The following DOCK4 variants were observed in gnomAD, a reference collection of about 807,000 sequenced individuals.
The protein encoded by DOCK4 is dedicator of cytokinesis 4.
Under a neutral mutation model 268.1 loss-of-function variants are expected in DOCK4, and 97 were observed. That is an observed-to-expected ratio of 0.36 (90% CI 0.31 to 0.43). DOCK4 has a LOEUF of 0.43. DOCK4 is among the 20% of genes least tolerant of loss of function. The pLI is 1.00. For missense variants in DOCK4, 2,145 were observed against 2,455.7 expected, an observed-to-expected ratio of 0.87 and a Z score of 2.67; for synonymous variants, 954 against 887.2, an observed-to-expected ratio of 1.08 and a Z score of -1.34.
At chr7:112,087,209 G>C (rs1198637384) in intron 1 of DOCK4, among the ~76,000 whole-genome samples, 1 of 152,066 alleles carries the variant, frequency 6.6e-6, no homozygotes, top group African/African-American at 2.4e-5. Flanking sequence ...AATTCAATCA[G>C]GACAGACTTA....
Position 111,790,565 on chromosome 7 carries a change from G to C in DOCK4, c.3207C>G (p.Pro1069=), listed in dbSNP as rs772594564. Residue 1069 remains proline, a synonymous_variant, in exon 31 of 53, where the codon CCC becomes CCG. Coordinates refer to ENST00000428084, the MANE Select transcript of DOCK4 (RefSeq NM_001363540.2). ...KLHFIPALIG[P]FLEVTLIPQP... The stretch of plus-strand genomic sequence containing the variant: ...GGGGTATCAAGGTCACTTCTAGGAA[G>C]GGGCCAATCAGGGCAGGGATAAAAT... 3.7e-6 allele frequency: 6 copies of C among 1,613,850 alleles called. No individual in the cohort carries two copies. The highest frequency in any genetic ancestry group is 5.1e-6 in the Non-Finnish European group (6 of 1,179,834).
intron 1 of DOCK4, among the ~76,000 whole-genome samples, chr7:112,029,036 T>C (rs918403615): frequency 2.0e-5 from 3 of 152,230 alleles, no homozygotes; most frequent in Non-Finnish European, 2.9e-5. Flanking sequence ...ATTTTGAGTT[T>C]TTCTTCTTCT....
intron 1 of DOCK4, among the ~76,000 whole-genome samples, chr7:112,139,099 GT>G (rs1814644097): frequency 6.6e-6 from 1 of 152,180 alleles, no homozygotes. Flanking sequence ...GACTAAGGCA[GT>G]AATTGGTACC....
Position 111,900,412 on chromosome 7 carries a change from C to G in DOCK4, c.1442G>C (p.Arg481Pro), listed in dbSNP as rs781092695. ...LKLPIPVDKF[R>P]GAHIRFEFRH... ...AAACTCGAAGCGGATGTGTGCACCC[C>G]GGAATTTATCCACAGGAATGGGAAG... The change falls in exon 15 of 53, where the codon CGG becomes CCG. Residue 481 changes from arginine to proline, a missense_variant. This residue lies in a region of DOCK4 where 1,598 missense variants were observed against 1,986.7 expected (regional missense o/e 0.80). Transcript: ENST00000428084. 3 of 1,613,430 alleles carry G rather than the reference C, an allele frequency of 1.9e-6. No homozygotes were observed. The highest frequency in any genetic ancestry group is 2.5e-6 in the Non-Finnish European group (3 of 1,179,708).
Position 111,842,405 on chromosome 7 carries a change from G to A in DOCK4, c.2736+2358C>T, listed in dbSNP as rs1803770702. Among the ~76,000 whole-genome samples the A allele has an allele frequency of 3.3e-5, 5 of 152,356 alleles. No homozygotes were observed. The South Asian group carries it at 1.0e-3, about 32-fold the overall frequency. On this transcript the variant is annotated intron_variant, in intron 25 of 52. Coordinates refer to ENST00000428084, the MANE Select transcript of DOCK4 (RefSeq NM_001363540.2). ...CAAAGGACTAGGAAAGGGCAGCCCT[G>A]CAGGGCAATGCTTTTAGCCGCAGTT...
intron 1 of DOCK4, among the ~76,000 whole-genome samples, chr7:112,102,697 C>A (rs1334053486): frequency 6.6e-6 from 1 of 152,136 alleles, no homozygotes; most frequent in Non-Finnish European, 1.5e-5. Flanking sequence ...TCTACTGGTG[C>A]CTTAATCTTG....
At chr7:111,949,708 T>C (rs1414673445) in intron 8 of DOCK4, among the ~76,000 whole-genome samples, 1 of 152,192 alleles carries the variant, frequency 6.6e-6, no homozygotes, top group Non-Finnish European at 1.5e-5. Flanking sequence ...GATGACATGC[T>C]ATTGTTATGC....
chr7:111,929,727 T>TCTAGGTAATTCTTTTTAACTTCCTGTG (rs564799121), intron 12 of DOCK4, among the ~76,000 whole-genome samples: 1,885 of 152,310 alleles, frequency 0.012, 47 homozygotes, highest in African/African-American at 0.043. Context: ...GGTCTCCTTA[T>TCTAGGTAATTCTTTTTAACTTCCTGTG]GGAGTTAAAA....
At chr7:112,052,608 C>G (rs1805464241) in intron 1 of DOCK4, among the ~76,000 whole-genome samples, 1 of 152,144 alleles carries the variant, frequency 6.6e-6, no homozygotes, top group African/African-American at 2.4e-5. Flanking sequence ...CCATCTGTAT[C>G]TTTACATTAT....
intron 25 of DOCK4, among the ~76,000 whole-genome samples, chr7:111,841,475 T>G (rs1258253999): frequency 1.3e-5 from 2 of 151,996 alleles, no homozygotes; most frequent in Non-Finnish European, 2.9e-5. Flanking sequence ...TTCTCTGTTT[T>G]AAAGAAACAG....
intron 1 of DOCK4, among the ~76,000 whole-genome samples, chr7:112,039,602 A>G (rs574123307): frequency 3.9e-5 from 6 of 152,188 alleles, no homozygotes; most frequent in African/African-American, 1.4e-4. Flanking sequence ...TTGCCCCCCG[A>G]GCCAGCTTTA....
intron 1 of DOCK4, among the ~76,000 whole-genome samples, chr7:112,017,538 A>C (rs1053115756): frequency 1.3e-5 from 2 of 152,224 alleles, no homozygotes; most frequent in African/African-American, 4.8e-5. Context: ...ACTCTTCCTC[A>C]GTACTGTGTT....
chr7:112,107,164 A>G (rs1201600783), intron 1 of DOCK4, among the ~76,000 whole-genome samples: 1 of 152,152 alleles, frequency 6.6e-6, no homozygotes, highest in Non-Finnish European at 1.5e-5. Flanking sequence ...CTAATGGGGG[A>G]AAGGAAAGAG....
intron 23 of DOCK4, among the ~76,000 whole-genome samples, chr7:111,848,880 C>T (rs1287295816): frequency 6.6e-6 from 1 of 152,206 alleles, no homozygotes; most frequent in African/African-American, 2.4e-5. Context: ...AGGTAAAGTG[C>T]TCTGGATTGG....
rs377214394 is a variant in DOCK4, at chr7:111,732,250, C to T, written c.5457G>A (p.Ser1819=). The change falls in exon 52 of 53, where the codon TCG becomes TCA. Residue 1819 remains serine, a synonymous_variant. Transcript: ENST00000428084. ...PARHTTSVSP[S]PAGRSPLKGS... is the part of the protein sequence containing the mutation. ...CCTTCAATGGAGATCGCCCGGCAGG[C>T]GAGGGGGATACTGATGTCGTGTGTC... is the stretch of plus-strand genomic sequence containing the variant. 24 of 1,613,940 alleles carry T rather than the reference C, an allele frequency of 1.5e-5. No individual in the cohort carries two copies. Among genetic ancestry groups the T allele is most frequent in the South Asian group, 5.5e-5 (5 of 91,062 alleles).
intron 1 of DOCK4, among the ~76,000 whole-genome samples, chr7:112,167,650 T>C (rs1211463167): frequency 6.6e-6 from 1 of 152,242 alleles, no homozygotes; most frequent in African/African-American, 2.4e-5. Flanking sequence ...CTCATGCTTA[T>C]TATCATCCTT....
intron 2 of DOCK4, 139 bp from the exon 3 acceptor site, chr7:112,000,673 C>CCTG: frequency 3.8e-6 from 2 of 523,826 alleles, no homozygotes; most frequent in Non-Finnish European, 6.4e-6. Flanking sequence ...AGGTATTGGC[C>CCTG]TTAGGCTACA....
chr7:111,732,107 T>G, intron 52 of DOCK4, 119 bp downstream of exon 52: 1 of 1,003,136 alleles, frequency 1.0e-6, no homozygotes, highest in Non-Finnish European at 1.5e-6. Flanking sequence ...TATCCCTGAT[T>G]GATAAGTTCT....
chr7:112,155,355 T>C (rs1816521795), intron 1 of DOCK4, among the ~76,000 whole-genome samples: 1 of 152,170 alleles, frequency 6.6e-6, no homozygotes, highest in Non-Finnish European at 1.5e-5. Context: ...CATCAGAGTA[T>C]AACCTGAATT....
Sources: gnomAD v4.1 joint callset for allele counts (sites outside exome capture counted in the v4.1 genomes callset) on GRCh38, gnomAD v4.1.1 for gene constraint, gnomAD v4.1.1 regional missense constraint, MANE v1.5 for transcripts, NCBI Gene and HGNC (gene_info 2026-07-23, HGNC 2026-07-21) for gene names.